NSD3: variants seen among roughly 807,000 people sequenced by gnomAD.
NSD3 encodes the protein nuclear receptor binding SET domain protein 3, also known as histone-lysine N-methyltransferase NSD3.
NSD3 carries 24 observed loss-of-function variants against 160.8 expected under a neutral mutation model. The observed-to-expected ratio is 0.15, with a 90% CI of 0.11 to 0.21. NSD3 has a LOEUF of 0.21. Ranked by LOEUF, NSD3 falls within the 10% of genes least tolerant of loss-of-function variation. NSD3 has a pLI of 1.00. For synonymous variants in NSD3, 520 were observed against 600.0 expected (o/e 0.87, Z 1.95); for missense variants, 1,157 against 1,735.9 (o/e 0.67, Z 5.93).
At chr8:38,280,640 G>A (rs1316401099) in intron 20 of NSD3, among the ~76,000 whole-genome samples, 2 of 151,938 alleles carry the variant, frequency 1.3e-5, no homozygotes, top group Non-Finnish European at 2.9e-5. Flanking sequence ...TCAGAGAACT[G>A]ACAAAAAAAT....
At chr8:38,361,824 G>A (rs1253953552) in intron 1 of NSD3, among the ~76,000 whole-genome samples, 1 of 151,620 alleles carries the variant, frequency 6.6e-6, no homozygotes, top group Non-Finnish European at 1.5e-5. Context: ...AAAATATCCA[G>A]GGTTGAGAAG....
intron 1 of NSD3, among the ~76,000 whole-genome samples, chr8:38,349,362 C>T (rs1237753917): frequency 6.0e-5 from 9 of 151,098 alleles, no homozygotes; most frequent in African/African-American, 1.9e-4. Flanking sequence ...CTCTTTTTTT[C>T]AAATAGAGAC....
At chr8:38,280,912 C>A (rs1015554883) in intron 20 of NSD3, among the ~76,000 whole-genome samples, 1 of 152,066 alleles carries the variant, frequency 6.6e-6, no homozygotes, top group African/African-American at 2.4e-5. Flanking sequence ...GCCACCACAC[C>A]TGGCTAACTT....
intron 14 of NSD3, among the ~76,000 whole-genome samples, chr8:38,300,164 T>C (rs1585867403): frequency 7.4e-6 from 1 of 134,810 alleles, no homozygotes; most frequent in African/African-American, 2.5e-5. Flanking sequence ...CATTTTATAT[T>C]ATATATATAT....
chr8:38,320,839 G>C (rs954825318), intron 8 of NSD3: 2 of 367,470 alleles, frequency 5.4e-6, no homozygotes, highest in Non-Finnish European at 9.7e-6. Flanking sequence ...TTTAAGTCTT[G>C]CACCACTGGC....
chr8:38,363,172 G>C (rs1485631823), intron 1 of NSD3, among the ~76,000 whole-genome samples: 1 of 152,218 alleles, frequency 6.6e-6, no homozygotes, highest in African/African-American at 2.4e-5. Context: ...CCATCCCCTA[G>C]TATGTGAGGG....
chr8:38,289,717 G>C (rs1808954094), intron 17 of NSD3, among the ~76,000 whole-genome samples: 1 of 152,196 alleles, frequency 6.6e-6, no homozygotes, highest in Non-Finnish European at 1.5e-5. Context: ...GCATGCTGTA[G>C]CCACAGGGAA....
chr8:38,278,196 C>T (rs966664315), intron 22 of NSD3, 110 bp downstream of exon 22: 21 of 858,618 alleles, frequency 2.4e-5, no homozygotes, highest in Admixed American at 1.7e-4. Context: ...CCTTGGCCTC[C>T]CAAAGTGCTG....
rs535099941 is a variant in NSD3 at position 38,270,408 on chromosome 8, A to G, written c.*5233T>C. ...TCAAATGGGTACAAATGAGTTTCTC[A>G]TATCAATTCCAAATATACACATACC... On this transcript the variant is annotated 3_prime_UTR_variant, in exon 24 of 24. Coordinates refer to ENST00000317025, the MANE Select transcript of NSD3 (RefSeq NM_023034.2). The G allele has an allele frequency of 8.5e-5, 13 of 152,368 alleles. No homozygotes were observed. The highest frequency in any genetic ancestry group is 1.9e-4 in the African/African-American group (8 of 41,592). The allele number at this position is 152,368 out of a possible 1,614,324, so 9.4% of individuals were successfully genotyped here.
In NSD3 at chr8:38,276,390, T is replaced by A. The variant is rs764079861; in HGVS notation, c.3978A>T (p.Gln1326His). 2 of 1,614,250 alleles carry A rather than the reference T, an allele frequency of 1.2e-6. No homozygotes were observed. Among genetic ancestry groups the A allele is most frequent in the African/African-American group, 1.3e-5 (1 of 75,072 alleles). ...TGACCAGCTCTCCACCATCTCCACATTGAAAACAGTAATCTTCATGCATCT... is the reference window on the plus strand; with the variant it reads ...TGACCAGCTCTCCACCATCTCCACAATGAAAACAGTAATCTTCATGCATCT... ...PKQMHEDYCF[Q>H]CGDGGELVMC... is the part of the protein sequence containing the mutation. Residue 1326 changes from glutamine (Q) to histidine (H), a missense_variant, in exon 23 of 24, where the codon CAA (glutamine) becomes CAT (histidine). Around this residue, in one of 10 missense-constraint regions of NSD3, gnomAD observed 222 missense variants for 409.9 expected, o/e 0.54. Transcript: ENST00000317025.
At position 38,319,835 on chromosome 8, in the gene NSD3, G is replaced by A. The variant is rs1171303582; in HGVS notation, c.1810-895C>T. 6.6e-6 allele frequency: 1 copy of A among 152,052 alleles called. No homozygotes were observed. The highest frequency in any genetic ancestry group is 1.5e-5 in the Non-Finnish European group (1 of 68,008). The allele number at this position is 152,052 out of a possible 1,614,324, so 9.4% of individuals were successfully genotyped here. A position where few individuals can be genotyped will look rare whatever the true frequency, so the allele number is the denominator to read the frequency against. ...GAAACGCTTTTATAAGATACAATTA[G>A]TAATACAAATATAAAATCTTCTAAA... is the stretch of plus-strand genomic sequence containing the variant. On this transcript the variant is annotated intron_variant, in intron 8 of 23. Transcript: ENST00000317025. This position sits in a 1 kb window ranked among gnomAD's most constrained non-coding sequence, Gnocchi z 4.1.
chr8:38,305,303 A>G lies in NSD3; in HGVS notation c.2385T>C (p.Pro795=). 1 of 1,614,204 alleles carries G rather than the reference A, an allele frequency of 6.2e-7. No homozygotes were observed. Among genetic ancestry groups the G allele is most frequent in the Non-Finnish European group, 8.5e-7 (1 of 1,180,032 alleles). Residue 795 remains proline, a synonymous_variant, in exon 13 of 24, where the codon CCT becomes CCC. Coordinates refer to ENST00000317025, the MANE Select transcript of NSD3 (RefSeq NM_023034.2). Reference sequence around the variant, plus strand: ...TAGAGCAGGCAGAGCAGCAGTGCTGAGGACAGCGGAATCCTTTTGATTCAA... The same window carrying G: ...TAGAGCAGGCAGAGCAGCAGTGCTGGGGACAGCGGAATCCTTTTGATTCAA... ...AIFESKGFRC[P]QHCCSACSME...
Position 38,295,777 on chromosome 8 carries a change from T to C in NSD3, c.2915+19A>G, listed in dbSNP as rs781213919. On this transcript the variant is annotated intron_variant, in intron 16 of 23. Transcript: ENST00000317025. ...GCACAATGATTGAATACTTCCTCTT[T>C]GTTCTTGGAAAAACTTGCCTGTAAT... 8 of 1,610,850 alleles carry C rather than the reference T, an allele frequency of 5.0e-6. No individual in the cohort carries two copies. Among genetic ancestry groups the C allele is most frequent in the Non-Finnish European group, 6.8e-6 (8 of 1,178,440 alleles).
chr8:38,376,491 A>T (rs1168393139), intron 1 of NSD3, among the ~76,000 whole-genome samples: 1 of 151,072 alleles, frequency 6.6e-6, no homozygotes, highest in East Asian at 1.9e-4. Flanking sequence ...GCTGGAGTGC[A>T]ATGGCGCGAC....
chr8:38,290,772 T>C, intron 16 of NSD3, 95 bp from the exon 17 acceptor site: 1 of 1,272,756 alleles, frequency 7.9e-7, no homozygotes, highest in South Asian at 1.4e-5. Context: ...TTTTTGTATT[T>C]TGCAATTTTC....
At chr8:38,286,918 GC>G (rs1472791009) in intron 19 of NSD3, among the ~76,000 whole-genome samples, 5 of 152,142 alleles carry the variant, frequency 3.3e-5, no homozygotes, top group African/African-American at 1.2e-4. Context: ...CTTGAAAAGG[GC>G]AATCCCTGTC....
intron 1 of NSD3, among the ~76,000 whole-genome samples, chr8:38,370,741 C>T (rs1411052778): frequency 1.3e-5 from 2 of 151,966 alleles, no homozygotes; most frequent in East Asian, 1.9e-4. Flanking sequence ...TTATATAACC[C>T]CGTCAACATA....
At chr8:38,377,162 C>A (rs1811412837) in intron 1 of NSD3, among the ~76,000 whole-genome samples, 1 of 152,178 alleles carries the variant, frequency 6.6e-6, no homozygotes, top group African/African-American at 2.4e-5. Flanking sequence ...AAGCGATTGG[C>A]CTGTCTCAGC....
At chr8:38,305,164 T>C in intron 13 of NSD3, 84 bp downstream of exon 13, 1 of 1,379,642 alleles carries the variant, frequency 7.2e-7, no homozygotes, top group Non-Finnish European at 1.0e-6. Context: ...GAATGCCTTA[T>C]GTTGTTTGTA....
Sources: allele counts gnomAD v4.1 joint callset (sites outside exome capture counted in the v4.1 genomes callset), GRCh38; gene constraint gnomAD v4.1.1; regional missense constraint gnomAD v4.1.1; non-coding constraint Gnocchi (gnomAD v3.1); transcripts MANE v1.5; gene names NCBI Gene and HGNC (gene_info 2026-07-23, HGNC 2026-07-21).